CDH13: variants seen among roughly 807,000 people sequenced by gnomAD.
The protein encoded by CDH13 is cadherin 13, also known as cadherin-13.
A neutral mutation model predicts 63.8 loss-of-function variants in CDH13; 24 were observed. The observed-to-expected ratio is 0.38, with a 90% confidence interval of 0.27 to 0.53. CDH13 has a LOEUF of 0.53. Among genes scored for constraint, CDH13 ranks in the 20% least tolerant of loss-of-function variants. The pLI is 0.85. For synonymous variants in CDH13, 503 were observed against 355.3 expected (o/e 1.42, Z -4.67); for missense variants, 1,049 against 903.1 (o/e 1.16, Z -2.07).
intron 3 of CDH13, among the ~76,000 whole-genome samples, chr16:83,063,063 G>A (rs1034520935): frequency 1.3e-5 from 2 of 150,738 alleles, no homozygotes; most frequent in South Asian, 2.1e-4. Flanking sequence ...CCAGGTTCAA[G>A]TGAGTCTCCT....
At chr16:83,325,398 A>C (rs923824135) in intron 5 of CDH13, among the ~76,000 whole-genome samples, 1 of 152,096 alleles carries the variant, frequency 6.6e-6, no homozygotes, top group African/African-American at 2.4e-5. Flanking sequence ...CAAATCTTTA[A>C]CTACTTCTTC....
At chr16:83,074,851 A>C (rs1041152444) in intron 3 of CDH13, among the ~76,000 whole-genome samples, 1 of 152,210 alleles carries the variant, frequency 6.6e-6, no homozygotes, top group Non-Finnish European at 1.5e-5. Flanking sequence ...TCCAGACATC[A>C]CGTGGACTGT....
chr16:83,449,828 G>C (rs890626852), intron 6 of CDH13, among the ~76,000 whole-genome samples: 1 of 152,216 alleles, frequency 6.6e-6, no homozygotes, highest in African/African-American at 2.4e-5. Flanking sequence ...TTGTTTTGAA[G>C]AGAAAATGAG....
intron 1 of CDH13, among the ~76,000 whole-genome samples, chr16:82,852,375 C>G (rs1416531257): frequency 6.6e-6 from 1 of 152,204 alleles, no homozygotes; most frequent in East Asian, 1.9e-4. Context: ...TCCCGAGTAA[C>G]TGTCTTCTGT....
chr16:83,086,887 G>A (rs2033628864), intron 3 of CDH13, among the ~76,000 whole-genome samples: 1 of 152,128 alleles, frequency 6.6e-6, no homozygotes, highest in African/African-American at 2.4e-5. Flanking sequence ...ATTAGACTTG[G>A]CAGAAAGAAC....
At chr16:83,544,263 A>G (rs138835870) in intron 7 of CDH13, among the ~76,000 whole-genome samples, 5 of 151,928 alleles carry the variant, frequency 3.3e-5, no homozygotes, top group Non-Finnish European at 7.4e-5. Context: ...CCTAAATAAA[A>G]CCCAGTCTAT....
At chr16:83,070,430 A>G (rs2032345831) in intron 3 of CDH13, among the ~76,000 whole-genome samples, 1 of 152,236 alleles carries the variant, frequency 6.6e-6, no homozygotes, top group Non-Finnish European at 1.5e-5. Flanking sequence ...AGAATAAGTT[A>G]AGATACATTG....
intron 1 of CDH13, among the ~76,000 whole-genome samples, chr16:82,729,876 C>G (rs1004292511): frequency 2.0e-5 from 3 of 152,208 alleles, no homozygotes; most frequent in Non-Finnish European, 4.4e-5. Flanking sequence ...TGTTGCAACT[C>G]TCTACATCAG....
At chr16:82,944,634 T>C (rs1250569229) in intron 2 of CDH13, among the ~76,000 whole-genome samples, 2 of 152,194 alleles carry the variant, frequency 1.3e-5, no homozygotes, top group Non-Finnish European at 2.9e-5. Flanking sequence ...CTGCCTATCA[T>C]AGCAGAATTA....
intron 10 of CDH13, among the ~76,000 whole-genome samples, chr16:83,707,772 G>C (rs1907317641): frequency 7.4e-6 from 1 of 134,340 alleles, no homozygotes; most frequent in Non-Finnish European, 1.5e-5. Context: ...GAGAAAGAGT[G>C]AGATGAAATA....
chr16:83,273,883 G>C (rs915105223), intron 5 of CDH13, among the ~76,000 whole-genome samples: 1 of 152,108 alleles, frequency 6.6e-6, no homozygotes. Flanking sequence ...TCAAACAGTT[G>C]GTACTGAACC....
chr16:82,678,735 A>G (rs1914215988), intron 1 of CDH13, among the ~76,000 whole-genome samples: 1 of 152,236 alleles, frequency 6.6e-6, no homozygotes, highest in African/African-American at 2.4e-5. Flanking sequence ...TAATGGGTAC[A>G]GTTATCTTCT....
intron 4 of CDH13, among the ~76,000 whole-genome samples, chr16:83,156,605 G>A (rs1389012439): frequency 1.3e-5 from 2 of 152,128 alleles, no homozygotes; most frequent in African/African-American, 4.8e-5. Flanking sequence ...CAGATAAAAG[G>A]CACCATGGGC....
At chr16:83,369,826 T>C (rs74034202) in intron 6 of CDH13, among the ~76,000 whole-genome samples, 4,380 of 152,268 alleles carry the variant, frequency 0.029, 213 homozygotes, top group African/African-American at 0.1. Context: ...AAACGGCCAT[T>C]CCCAAACTGT....
At chr16:82,895,685 C>T (rs1345798098) in intron 2 of CDH13, among the ~76,000 whole-genome samples, 1 of 70,200 alleles carries the variant, frequency 1.4e-5, no homozygotes, top group Non-Finnish European at 2.7e-5. Flanking sequence ...AGGGACGCCT[C>T]TCCCTTTTTT....
intron 1 of CDH13, among the ~76,000 whole-genome samples, chr16:82,787,735 T>C (rs2036086415): frequency 6.7e-6 from 1 of 149,278 alleles, no homozygotes; most frequent in Non-Finnish European, 1.5e-5. Context: ...ATTAGGCTCA[T>C]TAATCATGCT....
chr16:83,701,545 C>T (rs1438204284), intron 10 of CDH13, among the ~76,000 whole-genome samples: 2 of 152,152 alleles, frequency 1.3e-5, no homozygotes, highest in Non-Finnish European at 1.5e-5. Flanking sequence ...TCTGTTTGAG[C>T]TACAACTAAA....
intron 5 of CDH13, among the ~76,000 whole-genome samples, chr16:83,259,942 G>A (rs940275590): frequency 6.6e-6 from 1 of 152,038 alleles, no homozygotes; most frequent in African/African-American, 2.4e-5. Flanking sequence ...CATCATTCTT[G>A]AGTGATTCTA....
At chr16:83,370,401 A>C (rs2091343992) in intron 6 of CDH13, among the ~76,000 whole-genome samples, 1 of 151,860 alleles carries the variant, frequency 6.6e-6, no homozygotes. Flanking sequence ...AAAAAAAAAA[A>C]AAACTTCCAT....
Sources: allele counts gnomAD v4.1 joint callset (sites outside exome capture counted in the v4.1 genomes callset), GRCh38; gene constraint gnomAD v4.1.1; transcripts MANE v1.5; gene names NCBI Gene and HGNC (gene_info 2026-07-23, HGNC 2026-07-21).